SEMA3A: variants seen among roughly 807,000 people sequenced by gnomAD.
SEMA3A encodes the protein semaphorin 3A.
In SEMA3A, 29 loss-of-function variants were observed where a neutral mutation model predicts 97.9. The ratio of observed to expected loss-of-function variants is 0.30; its 90% CI spans 0.22 to 0.40. The LOEUF (loss-of-function observed/expected upper bound fraction) is 0.40. Among genes scored for constraint, SEMA3A ranks in the 10% least tolerant of loss-of-function variants. SEMA3A has a pLI of 1.00. For missense variants in SEMA3A, 763 were observed against 951.3 expected, an observed-to-expected ratio of 0.80 and a Z score of 2.60; for synonymous variants, 321 against 323.7, an observed-to-expected ratio of 0.99 and a Z score of 0.09.
chr7:84,099,204 G>A (rs796933625), intron 4 of SEMA3A, among the ~76,000 whole-genome samples: 5 of 110,358 alleles, frequency 4.5e-5, no homozygotes, highest in African/African-American at 1.3e-4. Context: ...CCGAGTAGCT[G>A]GGACTACAGG....
chr7:84,369,904 T>C (rs867423763), intron 2 of SEMA3A, among the ~76,000 whole-genome samples: 37 of 151,044 alleles, frequency 2.4e-4, no homozygotes, highest in African/African-American at 8.7e-4. Context: ...ACTGAGATGA[T>C]TCAGAAATGC....
At chr7:84,320,133 AGC>A (rs1259456396) in intron 2 of SEMA3A, among the ~76,000 whole-genome samples, 1 of 152,156 alleles carries the variant, frequency 6.6e-6, no homozygotes, top group East Asian at 1.9e-4. Context: ...TGATAATGGA[AGC>A]ACTGATTCCC....
At chr7:84,039,372 A>T (rs1161226594) in intron 6 of SEMA3A, among the ~76,000 whole-genome samples, 2 of 152,154 alleles carry the variant, frequency 1.3e-5, no homozygotes, top group Non-Finnish European at 2.9e-5. Flanking sequence ...GAGATTCATT[A>T]GTTTCTTATT....
chr7:84,095,360 T>TATATATATAC (rs1180278652), intron 4 of SEMA3A, among the ~76,000 whole-genome samples: 23 of 25,314 alleles, frequency 9.1e-4, no homozygotes, highest in African/African-American at 2.7e-3. Context: ...TTTATATACA[T>TATATATATAC]ATATATATAT....
At chr7:83,996,484 G>A (rs1790225622) in intron 12 of SEMA3A, among the ~76,000 whole-genome samples, 1 of 151,886 alleles carries the variant, frequency 6.6e-6, no homozygotes, top group Admixed American at 6.6e-5. Context: ...TGTATTGTTA[G>A]TAGAGACGGG....
intron 2 of SEMA3A, among the ~76,000 whole-genome samples, chr7:84,356,225 A>G (rs1452767273): frequency 6.6e-6 from 1 of 151,858 alleles, no homozygotes; most frequent in Non-Finnish European, 1.5e-5. Context: ...TTTGGATTAT[A>G]TTAATATTAT....
At chr7:84,324,857 A>C (rs556332584) in intron 2 of SEMA3A, among the ~76,000 whole-genome samples, 29 of 152,242 alleles carry the variant, frequency 1.9e-4, no homozygotes, top group African/African-American at 7.0e-4. Flanking sequence ...TTCTTTCAAC[A>C]TTCAACAAAT....
intron 2 of SEMA3A, among the ~76,000 whole-genome samples, chr7:84,352,207 G>C (rs184176314): frequency 3.7e-4 from 57 of 152,048 alleles, no homozygotes; most frequent in African/African-American, 1.3e-3. Flanking sequence ...TTAAAGAGTT[G>C]ATTGACAGTT....
At chr7:84,360,793 T>A (rs965934725) in intron 2 of SEMA3A, among the ~76,000 whole-genome samples, 85 of 152,092 alleles carry the variant, frequency 5.6e-4, no homozygotes, top group African/African-American at 1.8e-3. Context: ...CTACATTTTT[T>A]ATTTATTTTT....
At chr7:84,313,576 C>A (rs1584231094) in intron 2 of SEMA3A, among the ~76,000 whole-genome samples, 1 of 151,000 alleles carries the variant, frequency 6.6e-6, no homozygotes, top group African/African-American at 2.4e-5. Context: ...AAATATTTCT[C>A]TTTAATCACA....
chr7:84,202,772 T>C (rs920806671), intron 3 of SEMA3A, among the ~76,000 whole-genome samples: 3 of 152,226 alleles, frequency 2.0e-5, no homozygotes, highest in African/African-American at 7.2e-5. Context: ...ACAAAACTAA[T>C]CACAGGTTAT....
chr7:84,359,143 C>T (rs1251398076), intron 2 of SEMA3A, among the ~76,000 whole-genome samples: 6 of 152,106 alleles, frequency 3.9e-5, no homozygotes, highest in Non-Finnish European at 8.8e-5. Flanking sequence ...TTTCTCCTGC[C>T]TGATTGCCCT....
chr7:84,214,413 C>G (rs1798697921), intron 3 of SEMA3A, among the ~76,000 whole-genome samples: 1 of 152,092 alleles, frequency 6.6e-6, no homozygotes, highest in Non-Finnish European at 1.5e-5. Context: ...GAAATTGGGA[C>G]AAATATTCTA....
At chr7:83,972,305 G>A (rs1788951441) in intron 15 of SEMA3A, among the ~76,000 whole-genome samples, 1 of 151,850 alleles carries the variant, frequency 6.6e-6, no homozygotes, top group East Asian at 1.9e-4. Flanking sequence ...GATGTCTTGT[G>A]ATGTCATGGG....
intron 6 of SEMA3A, among the ~76,000 whole-genome samples, chr7:84,028,353 A>G (rs2116457602): frequency 6.6e-6 from 1 of 152,348 alleles, no homozygotes; most frequent in Admixed American, 6.5e-5. Context: ...CTAAGAAAAT[A>G]CAATATGTAA....
At chr7:84,412,992 T>G (rs1358159909) in intron 1 of SEMA3A, among the ~76,000 whole-genome samples, 3 of 151,880 alleles carry the variant, frequency 2.0e-5, no homozygotes, top group African/African-American at 7.2e-5. Context: ...CAAGACAAAT[T>G]TAAGGAATTC....
chr7:84,134,475 A>G (rs796881625), intron 2 of SEMA3A, among the ~76,000 whole-genome samples: 23 of 152,366 alleles, frequency 1.5e-4, no homozygotes, highest in African/African-American at 5.5e-4. Flanking sequence ...ACATATAAAT[A>G]GTTCATGAAG....
chr7:83,983,537 A>G (rs1483912310), intron 13 of SEMA3A, among the ~76,000 whole-genome samples: 1 of 148,888 alleles, frequency 6.7e-6, no homozygotes, highest in Non-Finnish European at 1.5e-5. Flanking sequence ...CCTTTAGGGG[A>G]GAAACAGAGA....
intron 15 of SEMA3A, among the ~76,000 whole-genome samples, chr7:83,965,455 C>T (rs73180185): frequency 6.6e-6 from 1 of 150,636 alleles, no homozygotes; most frequent in East Asian, 2.0e-4. Context: ...TGACTTGTCT[C>T]TTGCATAATC....
Sources: gnomAD v4.1 joint callset for allele counts (sites outside exome capture counted in the v4.1 genomes callset) on GRCh38, gnomAD v4.1.1 for gene constraint, MANE v1.5 for transcripts, NCBI Gene and HGNC (gene_info 2026-07-23, HGNC 2026-07-21) for gene names.